ENO4: variants seen among roughly 807,000 people sequenced by gnomAD.
ENO4 encodes the protein enolase 4.
In ENO4, 53 loss-of-function variants were observed where a neutral mutation model predicts 63.2. The ratio of observed to expected loss-of-function variants is 0.84; its 90% CI spans 0.67 to 1.05. The LOEUF is 1.05. Among genes scored for constraint, ENO4 ranks in the 50% least tolerant of loss-of-function variants. The pLI, the probability that ENO4 is intolerant of heterozygous loss-of-function variation, is 0.00. For missense variants in ENO4, 719 were observed against 772.0 expected, an observed-to-expected ratio of 0.93 and a Z score of 0.81; for synonymous variants, 266 against 283.8, an observed-to-expected ratio of 0.94 and a Z score of 0.63.
intron 10 of ENO4, among the ~76,000 whole-genome samples, chr10:116,896,193 A>G (rs929624069): frequency 1.3e-5 from 2 of 152,144 alleles, no homozygotes; most frequent in Non-Finnish European, 2.9e-5. Flanking sequence ...TATTATACCT[A>G]TATCAACCAA....
Position 116,901,820 on chromosome 10 carries a change from G to A in ENO4, c.1195-9679G>A. On this transcript the variant is annotated intron_variant, in intron 10 of 10. Coordinates refer to the ENO4 transcript ENST00000369207. ...TCCAATTTACGGGGCCCTTCACCTG[G>A]CTCAGGTGTTGGGGGGGACGGGCTG... 6.2e-7 allele frequency: 1 copy of A among 1,600,790 alleles called. No homozygotes were observed. The highest frequency in any genetic ancestry group is 1.1e-5 in the South Asian group (1 of 88,550).
At position 116,871,297 on chromosome 10, in the gene ENO4, G is replaced by A. The variant is rs748793187; in HGVS notation, c.1215+5G>A. ...GGACATGAGCTGATGGACTACGTAA[G>A]TTTCCACTTCAGAACATTCACTTCC... On this transcript the variant is annotated splice_donor_5th_base_variant and intron_variant, in intron 9 of 13. Coordinates refer to ENST00000341276, the MANE Select transcript of ENO4 (RefSeq NM_001242699.2). The A allele has an allele frequency of 6.5e-7, 1 of 1,548,346 alleles. No individual in the cohort carries two copies. Among genetic ancestry groups the A allele is most frequent in the South Asian group, 1.2e-5 (1 of 83,798 alleles).
rs769661063 is a variant in ENO4 at position 116,907,898 on chromosome 10, TCCCTCCCTGCCTGCC to T, written c.1195-3600_1195-3586del. The T allele has an allele frequency of 7.7e-6, 4 of 518,224 alleles. No homozygotes were observed. In the Admixed American group the frequency reaches 7.8e-5, roughly 10 times the overall value. 32.1% of individuals were successfully genotyped at this position (518,224 alleles called of 1,614,324 possible). On this transcript the variant is annotated intron_variant, in intron 10 of 10. Transcript: ENST00000369207. Reference sequence around the variant, plus strand: ...CACTAAGGACTTGCCTTAATCCTGCTCCCTCCCTGCCTGCCAACTACCTGAAGGATTCTAATAATT... The same window carrying T: ...CACTAAGGACTTGCCTTAATCCTGCTAACTACCTGAAGGATTCTAATAATT...
chr10:116,867,187 G>C (rs1347600324), intron 7 of ENO4, among the ~76,000 whole-genome samples: 1 of 152,142 alleles, frequency 6.6e-6, no homozygotes, highest in Non-Finnish European at 1.5e-5. Flanking sequence ...GCTGGTGGCA[G>C]AGATTAGTAG....
chr10:116,903,880 G>A (rs567305818), intron 10 of ENO4, among the ~76,000 whole-genome samples: 2 of 152,302 alleles, frequency 1.3e-5, no homozygotes, highest in Admixed American at 6.5e-5. Flanking sequence ...CCGTTTAAGA[G>A]TATTATTATT....
intron 11 of ENO4, among the ~76,000 whole-genome samples, chr10:116,877,996 C>G (rs1281924965): frequency 6.6e-6 from 1 of 152,206 alleles, no homozygotes; most frequent in Non-Finnish European, 1.5e-5. Context: ...CTGCATCCTT[C>G]AGGTCTTGGC....
In ENO4 at chr10:116,862,870, A is replaced by G; in HGVS notation, c.990+18A>G. 1.3e-6 allele frequency: 2 copies of G among 1,502,664 alleles called. No homozygotes were observed. Among genetic ancestry groups the G allele is most frequent in the Non-Finnish European group, 1.8e-6 (2 of 1,103,872 alleles). 93.1% of individuals were successfully genotyped at this position (1,502,664 alleles called of 1,614,324 possible). On this transcript the variant is annotated intron_variant, in intron 7 of 13. Transcript: ENST00000341276. ...TTGAAATGGTATGTAAAGAGATTCT[A>G]TGTTATCTAGTTACTGACACTTAGA...
At chr10:116,858,727 C>G (rs1442680477) in intron 3 of ENO4, among the ~76,000 whole-genome samples, 1 of 152,056 alleles carries the variant, frequency 6.6e-6, no homozygotes, top group Non-Finnish European at 1.5e-5. Context: ...AAATGCAAAC[C>G]CAGGGCGCTC....
intron 10 of ENO4, among the ~76,000 whole-genome samples, chr10:116,903,825 C>A (rs1287888646): frequency 6.6e-6 from 1 of 152,098 alleles, no homozygotes; most frequent in African/African-American, 2.4e-5. Context: ...AGCTACAGCT[C>A]TTATATTTTT....
chr10:116,901,261 T>A (rs1400994414), intron 10 of ENO4: 1 of 985,266 alleles, frequency 1.0e-6, no homozygotes, highest in African/African-American at 1.7e-5. Flanking sequence ...AGTGCCACTC[T>A]GAAGCAAGTC....
chr10:116,870,740 A>C (rs949964296), intron 8 of ENO4, among the ~76,000 whole-genome samples: 3 of 152,182 alleles, frequency 2.0e-5, no homozygotes, highest in East Asian at 3.9e-4. Flanking sequence ...GCAGGTTTGG[A>C]GGAAAAGGAC....
chr10:116,855,166 G>A (rs1846226751), intron 1 of ENO4, among the ~76,000 whole-genome samples: 1 of 151,816 alleles, frequency 6.6e-6, no homozygotes, highest in Non-Finnish European at 1.5e-5. Context: ...GATGGCGCAC[G>A]CCTGTAGTCC....
chr10:116,911,827 C>A (rs1848212827), downstream of ENO4: 2 of 1,612,288 alleles, frequency 1.2e-6, no homozygotes, highest in Admixed American at 1.7e-5. Context: ...ACTTTCGCAG[C>A]CTTTCGAAGA....
chr10:116,903,274 T>C (rs959253356), intron 10 of ENO4, among the ~76,000 whole-genome samples: 13 of 152,190 alleles, frequency 8.5e-5, no homozygotes, highest in Admixed American at 8.5e-4. Flanking sequence ...GGCTCATGCC[T>C]GTAATCCCAG....
Position 116,865,560 on chromosome 10 carries a change from C to T in ENO4, c.990+2708C>T, listed in dbSNP as rs574262898. On this transcript the variant is annotated intron_variant, in intron 7 of 13. Coordinates refer to ENST00000341276, the MANE Select transcript of ENO4 (RefSeq NM_001242699.2). ...TAAATTGTATGATATGGAGTCATAC[C>T]GATTTTTAAAATTTTTTGATGAAGT... Among the ~76,000 whole-genome samples, 83 of 152,032 alleles carry T rather than the reference C, an allele frequency of 5.5e-4. No homozygotes were observed. In the South Asian group the frequency reaches 8.5e-3, roughly 16 times the overall value.
intron 10 of ENO4, among the ~76,000 whole-genome samples, chr10:116,875,129 T>C (rs932585025): frequency 2.0e-5 from 3 of 152,164 alleles, no homozygotes; most frequent in South Asian, 2.1e-4. Context: ...AAACATCAGA[T>C]AGATTGAACA....
At chr10:116,908,206 T>C (rs1406645785) in intron 10 of ENO4, among the ~76,000 whole-genome samples, 1 of 152,320 alleles carries the variant, frequency 6.6e-6, no homozygotes, top group East Asian at 1.9e-4. Context: ...TCAACTGGTT[T>C]GCAAAAGACT....
At chr10:116,850,641 G>A (rs1846050753) in intron 1 of ENO4, among the ~76,000 whole-genome samples, 1 of 151,982 alleles carries the variant, frequency 6.6e-6, no homozygotes, top group Non-Finnish European at 1.5e-5. Context: ...GCAAAACCAC[G>A]TCGTATTGAG....
At position 116,901,721 on chromosome 10, in the gene ENO4, C is replaced by T. The variant is rs377610976; in HGVS notation, c.1195-9778C>T. 1.1e-4 allele frequency: 160 copies of T among 1,470,860 alleles called. 2 individuals carry two copies. The South Asian group carries it at 1.6e-3, about 15-fold the overall frequency. 91.1% of individuals were successfully genotyped at this position (1,470,860 alleles called of 1,614,324 possible). ...AAAGAAACACACAAGTTAGTCATTA[C>T]AGATTCTTCTATACACCACTTAGTA... On this transcript the variant is annotated intron_variant, in intron 10 of 10. Coordinates refer to the ENO4 transcript ENST00000369207.
Sources: allele counts gnomAD v4.1 joint callset (sites outside exome capture counted in the v4.1 genomes callset), GRCh38; gene constraint gnomAD v4.1.1; transcripts MANE v1.5; gene names NCBI Gene and HGNC (gene_info 2026-07-23, HGNC 2026-07-21).